The following THSD7B variants were observed in gnomAD, a reference collection of about 807,000 sequenced individuals.
The protein encoded by THSD7B is thrombospondin type 1 domain containing 7B, also known as thrombospondin type-1 domain-containing protein 7B.
In THSD7B, 138 loss-of-function variants were observed where a neutral mutation model predicts 213.6. The ratio of observed to expected loss-of-function variants is 0.65; its 90% confidence interval spans 0.56 to 0.74. The LOEUF is 0.74. Ranked by LOEUF, THSD7B falls within the 30% of genes least tolerant of loss-of-function variation. The probability of loss-of-function intolerance (pLI) is 0.00; values close to 1 mark genes in which losing one functional copy is unlikely to be tolerated. For synonymous variants in THSD7B, 742 were observed against 687.0 expected, an observed-to-expected ratio of 1.08 and a Z score of -1.25; for missense variants, 1,931 against 1,991.5, an observed-to-expected ratio of 0.97 and a Z score of 0.58.
At chr2:136,773,800 C>A (rs535561257) in intron 1 of THSD7B, among the ~76,000 whole-genome samples, 1 of 151,966 alleles carries the variant, frequency 6.6e-6, no homozygotes, top group African/African-American at 2.4e-5. Flanking sequence ...TAGAGGGTTT[C>A]CTTTTAACTG....
chr2:136,944,363 T>C (rs1454646403), intron 2 of THSD7B, among the ~76,000 whole-genome samples: 1 of 152,186 alleles, frequency 6.6e-6, no homozygotes, highest in Non-Finnish European at 1.5e-5. Flanking sequence ...ATTCTCTTGA[T>C]TTAGGGAGGA....
intron 12 of THSD7B, among the ~76,000 whole-genome samples, chr2:137,299,026 C>A (rs1247214377): frequency 6.6e-6 from 1 of 152,098 alleles, no homozygotes; most frequent in South Asian, 2.1e-4. Context: ...CGACAGCTGG[C>A]ACTATGTGCC....
intron 3 of THSD7B, among the ~76,000 whole-genome samples, chr2:137,069,408 T>C (rs946632739): frequency 1.3e-5 from 2 of 152,076 alleles, no homozygotes; most frequent in South Asian, 2.1e-4. Context: ...TTTATATAAA[T>C]AGGAAAGTGA....
At chr2:137,368,586 A>G (rs1235562243) in intron 12 of THSD7B, among the ~76,000 whole-genome samples, 3 of 152,138 alleles carry the variant, frequency 2.0e-5, no homozygotes, top group Non-Finnish European at 4.4e-5. Context: ...TATCTGGGTA[A>G]TTTTAGACAT....
intron 5 of THSD7B, among the ~76,000 whole-genome samples, chr2:137,122,156 TA>T: frequency 6.6e-6 from 1 of 152,300 alleles, no homozygotes; most frequent in Non-Finnish European, 1.5e-5. Context: ...TTTCCATAGT[TA>T]AATATATCCC....
intron 15 of THSD7B, among the ~76,000 whole-genome samples, chr2:137,515,884 G>T (rs1169616609): frequency 6.6e-6 from 1 of 152,150 alleles, no homozygotes; most frequent in African/African-American, 2.4e-5. Context: ...ATCGCAGCTG[G>T]GAGAGTCCAG....
At chr2:137,152,931 C>T (rs941369716) in intron 5 of THSD7B, among the ~76,000 whole-genome samples, 14 of 152,136 alleles carry the variant, frequency 9.2e-5, no homozygotes, top group African/African-American at 3.4e-4. Context: ...CCTTTCTCTT[C>T]TGTGTCATCA....
In THSD7B at chr2:137,272,641, T is replaced by A. The variant is rs2104807023; in HGVS notation, c.2375T>A (p.Val792Asp). 1 of 1,612,030 alleles carries A rather than the reference T, an allele frequency of 6.2e-7. No individual in the cohort carries two copies. Among genetic ancestry groups the A allele is most frequent in the Non-Finnish European group, 8.5e-7 (1 of 1,178,892 alleles). The change falls in exon 11 of 28, where the codon GTT becomes GAT. Residue 792 changes from valine (V) to aspartate (D), a missense_variant. By Grantham distance (152) the Val-to-Asp change is radical. Transcript: ENST00000409968. ...TLYEERECED[V>D]SLCPVYRWKP... ...TATGAGGAGAGAGAGTGTGAAGATG[T>A]TTCCTTGTGTCCTGTATATCGGCAA...
rs1271715648 is a variant in THSD7B at position 137,411,990 on chromosome 2, A to G, written c.2959+118A>G. The G allele has an allele frequency of 2.6e-6, 3 of 1,174,914 alleles. No individual in the cohort carries two copies. In the African/African-American group the frequency reaches 4.6e-5, roughly 18 times the overall value. 72.8% of individuals were successfully genotyped at this position (1,174,914 alleles called of 1,614,324 possible). On this transcript the variant is annotated intron_variant, in intron 14 of 27. Coordinates refer to ENST00000409968, the MANE Select transcript of THSD7B (RefSeq NM_001316349.2). ...ATAATTGTTTTAATTTTCCTTTGTCAATAACACATTGTCTCTCATAAAATA... is the reference window on the plus strand; with the variant it reads ...ATAATTGTTTTAATTTTCCTTTGTCGATAACACATTGTCTCTCATAAAATA...
chr2:137,632,052 A>G (rs1195147778), intron 20 of THSD7B, among the ~76,000 whole-genome samples: 1 of 152,208 alleles, frequency 6.6e-6, no homozygotes, highest in African/African-American at 2.4e-5. Context: ...CCAAGGTTAC[A>G]TAGTTTGTCA....
chr2:137,332,871 A>G (rs148459977), intron 12 of THSD7B, among the ~76,000 whole-genome samples: 24 of 152,304 alleles, frequency 1.6e-4, no homozygotes, highest in African/African-American at 5.1e-4. Flanking sequence ...GGCCTCCCCT[A>G]CTATGCTGAA....
At chr2:137,638,018 G>A (rs1460726586) in intron 20 of THSD7B, among the ~76,000 whole-genome samples, 1 of 152,212 alleles carries the variant, frequency 6.6e-6, no homozygotes, top group Non-Finnish European at 1.5e-5. Context: ...TCATCTGGCA[G>A]GGACAACATT....
At chr2:137,452,074 ATC>A (rs1476850222) in intron 15 of THSD7B, 221 of 942,676 alleles carry the variant, frequency 2.3e-4, no homozygotes, top group Middle Eastern at 5.3e-4. Context: ...TTCAAGACCA[ATC>A]TCTTTAGCTA....
intron 14 of THSD7B, among the ~76,000 whole-genome samples, chr2:137,448,402 T>C (rs575031690): frequency 6.6e-6 from 1 of 152,128 alleles, no homozygotes. Context: ...CAAAGGCTCG[T>C]GGAGAAGATG....
chr2:137,480,958 C>T (rs1317755645), intron 15 of THSD7B, among the ~76,000 whole-genome samples: 1 of 152,216 alleles, frequency 6.6e-6, no homozygotes, highest in East Asian at 1.9e-4. Flanking sequence ...GCCTCTTACA[C>T]GGTCATTAGG....
chr2:136,990,812 C>A, intron 2 of THSD7B: 1 of 1,143,652 alleles, frequency 8.7e-7, no homozygotes, highest in Non-Finnish European at 1.2e-6. Flanking sequence ...AGTGCCTGGC[C>A]GATGGTGTTT....
intron 7 of THSD7B, among the ~76,000 whole-genome samples, chr2:137,223,226 G>A (rs1320118976): frequency 6.6e-6 from 1 of 152,168 alleles, no homozygotes; most frequent in East Asian, 1.9e-4. Context: ...ATGTGGACCA[G>A]AAGATAGGAA....
rs746353140 is a variant in THSD7B at position 137,232,881 on chromosome 2, T to TG, written c.1916-17dup. On this transcript the variant is annotated splice_polypyrimidine_tract_variant and intron_variant, in intron 8 of 27. Transcript: ENST00000409968. ...ACAGCAACCACTATGTATTACCTTT[T>TG]GTTCTTATTTTTGGCAGGTGGAAAG... 6.2e-7 allele frequency: 1 copy of TG among 1,612,060 alleles called. No homozygotes were observed. The highest frequency in any genetic ancestry group is 8.5e-7 in the Non-Finnish European group (1 of 1,178,354).
At chr2:137,455,552 A>G (rs1687746592) in intron 15 of THSD7B, among the ~76,000 whole-genome samples, 1 of 152,134 alleles carries the variant, frequency 6.6e-6, no homozygotes, top group South Asian at 2.1e-4. Flanking sequence ...TTAAACCAAA[A>G]CCTATCACCA....
Sources: gnomAD v4.1 joint callset for allele counts (sites outside exome capture counted in the v4.1 genomes callset) on GRCh38, gnomAD v4.1.1 for gene constraint, MANE v1.5 for transcripts, NCBI Gene and HGNC (gene_info 2026-07-23, HGNC 2026-07-21) for gene names.